COG5: variants seen among roughly 807,000 people sequenced by gnomAD.
COG5 encodes the protein component of oligomeric golgi complex 5.
Under a neutral mutation model 110.4 loss-of-function variants are expected in COG5, and 86 were observed. The ratio of observed to expected loss-of-function variants is 0.78; its 90% CI spans 0.65 to 0.93. The LOEUF (loss-of-function observed/expected upper bound fraction) is 0.93, where lower values mean the gene tolerates loss of function less well. Among genes scored for constraint, COG5 ranks in the 40% least tolerant of loss-of-function variants. COG5 has a pLI of 0.00. For synonymous variants in COG5, 360 were observed against 334.6 expected (o/e 1.08, Z -0.83); for missense variants, 1,077 against 987.0 (o/e 1.09, Z -1.22).
intron 7 of COG5, among the ~76,000 whole-genome samples, chr7:107,410,222 C>G (rs1452561470): frequency 1.1e-4 from 17 of 152,100 alleles, no homozygotes; most frequent in Non-Finnish European, 1.8e-4. Flanking sequence ...GTGTTGGGCT[C>G]AGCTATCTGT....
chr7:107,209,401 T>A (rs1413341631), intron 21 of COG5: 1 of 233,574 alleles, frequency 4.3e-6, no homozygotes, highest in Non-Finnish European at 7.0e-6. Flanking sequence ...TTTTGACCAT[T>A]CTGGGGTTGA....
At chr7:107,548,406 GAAAAT>G (rs1401304679) in intron 3 of COG5, 74 bp from the exon 4 acceptor site, 6 of 1,319,792 alleles carry the variant, frequency 4.5e-6, no homozygotes, top group Admixed American at 1.7e-5. Flanking sequence ...TAAATTAAAA[GAAAAT>G]ACATGCATAT....
intron 6 of COG5, among the ~76,000 whole-genome samples, chr7:107,508,429 C>CCT (rs1245144508): frequency 6.6e-6 from 1 of 152,234 alleles, no homozygotes. Flanking sequence ...GGCCTGCCTG[C>CCT]CTCTGTAGGC....
chr7:107,460,501 CA>C (rs1795923373), intron 6 of COG5, among the ~76,000 whole-genome samples: 1 of 151,468 alleles, frequency 6.6e-6, no homozygotes, highest in Non-Finnish European at 1.5e-5. Flanking sequence ...ATAAAACATC[CA>C]AAGTTGTGGA....
chr7:107,252,449 G>A (rs1802588949), intron 16 of COG5, among the ~76,000 whole-genome samples: 1 of 151,892 alleles, frequency 6.6e-6, no homozygotes, highest in African/African-American at 2.4e-5. Context: ...AGCTTCACTG[G>A]TGAATTCTAC....
chr7:107,356,385 T>C (rs955299995), intron 10 of COG5, among the ~76,000 whole-genome samples: 1 of 152,192 alleles, frequency 6.6e-6, no homozygotes, highest in African/African-American at 2.4e-5. Flanking sequence ...TTTCAGTGAA[T>C]TTCAAGTACA....
chr7:107,527,394 T>C (rs1800851250), intron 5 of COG5, 37 bp from the exon 6 acceptor site: 1 of 1,608,676 alleles, frequency 6.2e-7, no homozygotes, highest in South Asian at 1.1e-5. Context: ...AGTTGATCCA[T>C]GAAGTTTTAT....
chr7:107,370,572 G>T (rs1477136047), intron 8 of COG5, among the ~76,000 whole-genome samples: 1 of 151,872 alleles, frequency 6.6e-6, no homozygotes, highest in African/African-American at 2.4e-5. Flanking sequence ...GATCACCTGA[G>T]GTCAGGAGTT....
At chr7:107,425,466 T>C (rs192960517) in intron 6 of COG5, among the ~76,000 whole-genome samples, 115 of 151,810 alleles carry the variant, frequency 7.6e-4, no homozygotes, top group Non-Finnish European at 2.2e-4. Flanking sequence ...CGTAACAACT[T>C]CTAGTCAGAT....
At chr7:107,256,626 A>T in intron 16 of COG5, 106 bp downstream of exon 16, 1 of 732,758 alleles carries the variant, frequency 1.4e-6, no homozygotes, top group Non-Finnish European at 2.4e-6. Context: ...ACTTTTGTAT[A>T]TATAGAGGAT....
chr7:107,309,062 G>C (rs1013295817), intron 11 of COG5, among the ~76,000 whole-genome samples: 1 of 149,332 alleles, frequency 6.7e-6, no homozygotes, highest in Admixed American at 6.9e-5. Flanking sequence ...AAGGGGTTCA[G>C]TACTACTGAA....
chr7:107,356,139 GA>G, intron 10 of COG5, among the ~76,000 whole-genome samples: 1 of 152,058 alleles, frequency 6.6e-6, no homozygotes, highest in Admixed American at 6.6e-5. Context: ...TTTAACAAAG[GA>G]AAATGTAAAA....
At chr7:107,413,075 CAT>C (rs1163117485) in intron 6 of COG5, among the ~76,000 whole-genome samples, 1 of 151,820 alleles carries the variant, frequency 6.6e-6, no homozygotes, top group Non-Finnish European at 1.5e-5. Context: ...GCTTGTCACA[CAT>C]GTGATTATAG....
At chr7:107,534,362 A>G (rs1374056738) in intron 5 of COG5, among the ~76,000 whole-genome samples, 1 of 151,636 alleles carries the variant, frequency 6.6e-6, no homozygotes, top group Non-Finnish European at 1.5e-5. Context: ...ATTAAAAGGC[A>G]CAGACTGGCA....
chr7:107,484,656 G>C (rs1797550579), intron 6 of COG5, among the ~76,000 whole-genome samples: 1 of 152,090 alleles, frequency 6.6e-6, no homozygotes, highest in African/African-American at 2.4e-5. Flanking sequence ...ATCCCTCAAT[G>C]TATAACACTG....
chr7:107,474,352 C>G lies in COG5; in HGVS notation c.538+52885G>C. 6.2e-7 allele frequency: 1 copy of G among 1,612,560 alleles called. No homozygotes were observed. Among genetic ancestry groups the G allele is most frequent in the South Asian group, 1.1e-5 (1 of 91,032 alleles). Reference sequence around the variant, plus strand: ...AATAATTTGTGTGGGATGTATTCCTCTAACTATAGTTATCCTTCTGCTTTC... The same window carrying G: ...AATAATTTGTGTGGGATGTATTCCTGTAACTATAGTTATCCTTCTGCTTTC... On this transcript the variant is annotated intron_variant, in intron 6 of 21. Transcript: ENST00000297135. This position sits in a 1 kb window ranked among gnomAD's most constrained non-coding sequence, Gnocchi z 5.7.
chr7:107,350,428 C>T (rs1226272197), intron 10 of COG5, among the ~76,000 whole-genome samples: 2 of 152,106 alleles, frequency 1.3e-5, no homozygotes, highest in Admixed American at 1.3e-4. Flanking sequence ...TTTTAAGTCA[C>T]TTGTTTCTCA....
In COG5 at chr7:107,201,790, A is replaced by AAAAT. The variant is rs1229315949; in HGVS notation, c.*1722_*1725dup. On this transcript the variant is annotated 3_prime_UTR_variant, in exon 22 of 22. Coordinates refer to ENST00000297135, the MANE Select transcript of COG5 (RefSeq NM_006348.5). ...TAAATTGTACGAAAGGGGAATTTAA[A>AAAAT]AAATATGTAACTGCTGTTTATACAT... is the stretch of plus-strand genomic sequence containing the variant. The AAAAT allele has an allele frequency of 1.6e-5, 3 of 189,530 alleles. No homozygotes were observed. In the South Asian group the frequency reaches 4.9e-4, roughly 31 times the overall value. The allele number at this position is 189,530 out of a possible 1,614,324, so 11.7% of individuals were successfully genotyped here. A position where few individuals can be genotyped will look rare whatever the true frequency, so the allele number is the denominator to read the frequency against.
intron 6 of COG5, among the ~76,000 whole-genome samples, chr7:107,503,061 C>T (rs1357834738): frequency 6.6e-6 from 1 of 152,120 alleles, no homozygotes; most frequent in Non-Finnish European, 1.5e-5. Flanking sequence ...GGATTTCAGT[C>T]ATGAATACTT....
Sources: gnomAD v4.1 joint callset for allele counts (sites outside exome capture counted in the v4.1 genomes callset) on GRCh38, gnomAD v4.1.1 for gene constraint, Gnocchi (gnomAD v3.1) non-coding constraint, MANE v1.5 for transcripts, NCBI Gene and HGNC (gene_info 2026-07-23, HGNC 2026-07-21) for gene names.